Variants in TG observed in about 807,000 individuals in gnomAD.
TG encodes thyroid hormones.
In TG, 270 loss-of-function variants were observed where a neutral mutation model predicts 324.7. The ratio of observed to expected loss-of-function variants is 0.83; its 90% CI spans 0.75 to 0.92. The LOEUF is 0.92. Among genes scored for constraint, TG ranks in the 40% least tolerant of loss-of-function variants. The probability of loss-of-function intolerance (pLI) is 0.00; values close to 1 mark genes in which losing one functional copy is unlikely to be tolerated. For missense variants in TG, 3,591 were observed against 3,456.4 expected (o/e 1.04, Z -0.98); for synonymous variants, 1,401 against 1,327.0 (o/e 1.06, Z -1.21).
chr8:132,982,330 G>C (rs988437654), intron 34 of TG, among the ~76,000 whole-genome samples: 5 of 152,336 alleles, frequency 3.3e-5, no homozygotes, highest in African/African-American at 1.2e-4. Flanking sequence ...CTCCCTGTGA[G>C]CAAGGAGATC....
chr8:132,995,399 G>A (rs1254791596), intron 35 of TG: 38 of 985,080 alleles, frequency 3.9e-5, no homozygotes, highest in Non-Finnish European at 4.6e-5. Flanking sequence ...TGCCGCCTTA[G>A]GAGTCTGTCT....
At chr8:132,873,245 G>T (rs1218856447) in intron 5 of TG, 24 bp downstream of exon 5, 1 of 1,613,664 alleles carries the variant, frequency 6.2e-7, no homozygotes, top group Non-Finnish European at 8.5e-7. Context: ...GGGTGTGCCA[G>T]TCACTGGGCC....
intron 43 of TG, chr8:133,103,165 A>T (rs1445496587): frequency 6.5e-6 from 1 of 154,228 alleles, no homozygotes; most frequent in Non-Finnish European, 1.4e-5. Context: ...AAAATGGGTC[A>T]CAATTCTTAG....
chr8:132,872,255 G>T (rs910378798), intron 4 of TG, among the ~76,000 whole-genome samples: 2 of 151,774 alleles, frequency 1.3e-5, no homozygotes, highest in African/African-American at 4.8e-5. Context: ...GAGGCGGGCG[G>T]ATCACGAGGT....
In TG at chr8:133,096,533, A is replaced by G. The variant is rs188329515; in HGVS notation, c.7572+160A>G. On this transcript the variant is annotated intron_variant, in intron 43 of 47. Coordinates refer to ENST00000220616, the MANE Select transcript of TG (RefSeq NM_003235.5). ...GAGGTGGTAATGGGGGGATTTAGAAATTAGACACTTGCAGGGTAGTGAGCA... is the reference window on the plus strand; with the variant it reads ...GAGGTGGTAATGGGGGGATTTAGAAGTTAGACACTTGCAGGGTAGTGAGCA... Among the ~76,000 whole-genome samples, 294 of 152,316 alleles carry G rather than the reference A, an allele frequency of 1.9e-3. 2 individuals are homozygous for G. Among genetic ancestry groups the G allele is most frequent in the African/African-American group, 6.7e-3 (277 of 41,554 alleles).
chr8:132,913,221 A>G lies in TG; in HGVS notation c.4334A>G (p.Tyr1445Cys). 6.2e-7 allele frequency: 1 copy of G among 1,614,160 alleles called. No homozygotes were observed. The highest frequency in any genetic ancestry group is 8.5e-7 in the Non-Finnish European group (1 of 1,180,024). Residue 1445 changes from tyrosine to cysteine, a missense_variant, in exon 20 of 48, where the codon TAC becomes TGC. Coordinates refer to ENST00000220616, the MANE Select transcript of TG (RefSeq NM_003235.5). ...TGGTTTGGGTGCTCGGAAGGATTCT[A>G]CCAAGTCTTGACAAGTGAGGCCAGT... is the stretch of plus-strand genomic sequence containing the variant. ...RTWFGCSEGF[Y>C]QVLTSEASQD...
chr8:133,107,834 C>A (rs1354175849), intron 43 of TG, among the ~76,000 whole-genome samples: 4 of 152,136 alleles, frequency 2.6e-5, no homozygotes, highest in African/African-American at 9.7e-5. Flanking sequence ...TGTTCTAGAT[C>A]ATTTTTTGCA....
At chr8:132,889,553 C>T (rs1420688787) in intron 10 of TG, among the ~76,000 whole-genome samples, 1 of 152,202 alleles carries the variant, frequency 6.6e-6, no homozygotes, top group Non-Finnish European at 1.5e-5. Flanking sequence ...ATGTCAAGTT[C>T]CAGCAATAGA....
chr8:132,996,298 A>G (rs900873163), intron 35 of TG, among the ~76,000 whole-genome samples: 6 of 152,236 alleles, frequency 3.9e-5, no homozygotes, highest in Admixed American at 3.9e-4. Context: ...TATGTGACTA[A>G]TCTATTAACT....
In TG at chr8:132,981,762, G is replaced by T. The variant is rs964921825; in HGVS notation, c.6200-1588G>T. ...AAGGTGTGTGTTACCATGCCCTCCA[G>T]GTAATTTGGAAGTCTGCCAAAGTTT... On this transcript the variant is annotated intron_variant, in intron 34 of 47. Transcript: ENST00000220616. Among the ~76,000 whole-genome samples, 9 of 152,320 alleles carry T rather than the reference G, an allele frequency of 5.9e-5. No individual in the cohort carries two copies. The East Asian group carries it at 1.5e-3, about 26-fold the overall frequency.
intron 41 of TG, among the ~76,000 whole-genome samples, chr8:133,094,453 G>A (rs1037730829): frequency 6.6e-6 from 1 of 151,890 alleles, no homozygotes; most frequent in Non-Finnish European, 1.5e-5. Context: ...TGTTAGCCAG[G>A]ATGGTCTCGA....
At chr8:132,888,674 C>T in intron 10 of TG, 106 bp downstream of exon 10, 2 of 1,228,244 alleles carry the variant, frequency 1.6e-6, no homozygotes, top group Non-Finnish European at 2.2e-6. Flanking sequence ...TATTGAGTGT[C>T]AAAGCTGGAA....
At chr8:133,101,181 G>C (rs577867254) in intron 43 of TG, among the ~76,000 whole-genome samples, 1 of 152,122 alleles carries the variant, frequency 6.6e-6, no homozygotes, top group South Asian at 2.1e-4. Flanking sequence ...CCATACGCAA[G>C]CATCACCTAG....
intron 35 of TG, among the ~76,000 whole-genome samples, chr8:132,988,164 G>A (rs1337133424): frequency 6.6e-6 from 1 of 151,902 alleles, no homozygotes; most frequent in Non-Finnish European, 1.5e-5. Flanking sequence ...CATCTGCACA[G>A]TGGAACTGTT....
chr8:132,976,748 C>T (rs549895730), intron 34 of TG, among the ~76,000 whole-genome samples: 8 of 152,312 alleles, frequency 5.3e-5, no homozygotes, highest in Admixed American at 1.3e-4. Flanking sequence ...CCGTGGTTCT[C>T]ATTTCAGAAC....
chr8:133,051,010 T>C, intron 41 of TG: 56 of 662,838 alleles, frequency 8.4e-5, no homozygotes, highest in Middle Eastern at 2.5e-4. Context: ...GAAGATGAGA[T>C]TTTCCAGCAG....
intron 37 of TG, 127 bp from the exon 38 acceptor site, chr8:133,017,651 T>C (rs1835160432): frequency 3.3e-6 from 3 of 908,392 alleles, no homozygotes. Flanking sequence ...GAATGAATGA[T>C]TGACATTTTC....
At chr8:132,989,022 A>G (rs1266110113) in intron 35 of TG, 1 of 426,858 alleles carries the variant, frequency 2.3e-6, no homozygotes, top group Non-Finnish European at 3.1e-6. Flanking sequence ...ATCATGGCAG[A>G]AGGCAAGGAG....
chr8:133,041,769 A>G (rs895713656), intron 41 of TG, among the ~76,000 whole-genome samples: 4 of 148,870 alleles, frequency 2.7e-5, no homozygotes, highest in African/African-American at 9.9e-5. Flanking sequence ...TGAGGCCTTG[A>G]TCAGCTTGTG....
Sources: gnomAD v4.1 joint callset for allele counts (sites outside exome capture counted in the v4.1 genomes callset) on GRCh38, gnomAD v4.1.1 for gene constraint, MANE v1.5 for transcripts, NCBI Gene and HGNC (gene_info 2026-07-23, HGNC 2026-07-21) for gene names.